Variants in NCALD observed in about 807,000 individuals in gnomAD.
The protein encoded by NCALD is neurocalcin-delta.
Under a neutral mutation model 18.6 loss-of-function variants are expected in NCALD, and 10 were observed. The observed-to-expected ratio is 0.54, with a 90% confidence interval of 0.33 to 0.91. NCALD has a LOEUF of 0.91. NCALD is among the 40% of genes least tolerant of loss of function. The pLI, the probability that NCALD is intolerant of heterozygous loss-of-function variation, is 0.03. For synonymous variants in NCALD, 88 were observed against 87.4 expected, an observed-to-expected ratio of 1.01 and a Z score of -0.04; for missense variants, 184 against 247.6, an observed-to-expected ratio of 0.74 and a Z score of 1.72.
At chr8:101,857,648 A>C (rs1223823872) in intron 4 of NCALD, among the ~76,000 whole-genome samples, 2 of 152,198 alleles carry the variant, frequency 1.3e-5, no homozygotes, top group Non-Finnish European at 2.9e-5. Flanking sequence ...TTGTTGAAGC[A>C]GGGGGAGATG....
intron 4 of NCALD, among the ~76,000 whole-genome samples, chr8:101,833,835 T>C (rs986871584): frequency 6.6e-6 from 1 of 152,176 alleles, no homozygotes; most frequent in African/African-American, 2.4e-5. Flanking sequence ...GTTCCCCTTC[T>C]CTCAACTTAA....
At chr8:102,123,837 C>A (rs1826021576) in intron 1 of NCALD, 1 of 152,544 alleles carries the variant, frequency 6.6e-6, no homozygotes, top group South Asian at 1.9e-4. Context: ...GCCCCGGCCC[C>A]CGGGGCGGGA....
chr8:101,990,721 C>T, intron 2 of NCALD, among the ~76,000 whole-genome samples: 1 of 152,282 alleles, frequency 6.6e-6, no homozygotes, highest in South Asian at 2.1e-4. Context: ...ATTAAAGCTA[C>T]TTCTTTTGTA....
At chr8:102,115,824 T>G (rs1347382425) in intron 1 of NCALD, among the ~76,000 whole-genome samples, 2 of 152,112 alleles carry the variant, frequency 1.3e-5, no homozygotes, top group Admixed American at 6.6e-5. Context: ...AAGCCCCAGG[T>G]GAGAAGCCTG....
intron 2 of NCALD, among the ~76,000 whole-genome samples, chr8:101,947,014 G>A (rs1048876717): frequency 6.6e-6 from 1 of 152,134 alleles, no homozygotes; most frequent in Non-Finnish European, 1.5e-5. Context: ...GCAGAGAAGA[G>A]CAGAGCTTTC....
intron 1 of NCALD, among the ~76,000 whole-genome samples, chr8:102,120,188 C>T (rs748362037): frequency 3.1e-4 from 47 of 152,172 alleles, no homozygotes; most frequent in Non-Finnish European, 4.9e-4. Flanking sequence ...TGCTAACAGT[C>T]CTATAGTGAA....
At chr8:101,882,662 A>T (rs552936010) in intron 4 of NCALD, among the ~76,000 whole-genome samples, 2 of 152,340 alleles carry the variant, frequency 1.3e-5, no homozygotes, top group East Asian at 3.9e-4. Context: ...AAAACAGATA[A>T]TTATTATGCC....
intron 1 of NCALD, among the ~76,000 whole-genome samples, chr8:102,034,094 G>A (rs1446206039): frequency 2.0e-5 from 3 of 151,790 alleles, no homozygotes; most frequent in Admixed American, 2.0e-4. Context: ...GCAACTATGT[G>A]TATTTTCTTC....
chr8:101,835,466 C>T (rs1434701729), intron 4 of NCALD, among the ~76,000 whole-genome samples: 1 of 152,234 alleles, frequency 6.6e-6, no homozygotes, highest in East Asian at 1.9e-4. Context: ...AAACCCTCTA[C>T]AATGCACAGG....
At chr8:102,041,888 C>T (rs560213888) in intron 1 of NCALD, among the ~76,000 whole-genome samples, 1 of 152,114 alleles carries the variant, frequency 6.6e-6, no homozygotes, top group South Asian at 2.1e-4. Context: ...AATGTTTTCT[C>T]TCTTTAACCA....
At chr8:101,883,812 T>C (rs1816575503) in intron 4 of NCALD, among the ~76,000 whole-genome samples, 1 of 152,244 alleles carries the variant, frequency 6.6e-6, no homozygotes, top group Admixed American at 6.5e-5. Flanking sequence ...ATTGGCATAT[T>C]ATCTGCCTGT....
intron 1 of NCALD, among the ~76,000 whole-genome samples, chr8:101,739,658 C>G (rs1810100234): frequency 6.6e-6 from 1 of 152,112 alleles, no homozygotes; most frequent in South Asian, 2.1e-4. Flanking sequence ...CCTGGAACAT[C>G]ACACTCCAAG....
chr8:101,775,409 C>T (rs901415100), intron 1 of NCALD, among the ~76,000 whole-genome samples: 6 of 152,146 alleles, frequency 3.9e-5, no homozygotes, highest in East Asian at 1.9e-4. Context: ...AGGCTCTCAA[C>T]GTTTAGCTGG....
At chr8:101,889,453 T>C (rs1261642921) in intron 3 of NCALD, among the ~76,000 whole-genome samples, 1 of 152,218 alleles carries the variant, frequency 6.6e-6, no homozygotes, top group East Asian at 1.9e-4. Context: ...TTCCAATAAA[T>C]TGCATTGCCT....
At chr8:102,078,718 T>C (rs749737769) in intron 1 of NCALD, among the ~76,000 whole-genome samples, 2 of 152,248 alleles carry the variant, frequency 1.3e-5, no homozygotes, top group Non-Finnish European at 2.9e-5. Context: ...TTCAAGTCTA[T>C]TCAAATGCTC....
intron 1 of NCALD, among the ~76,000 whole-genome samples, chr8:102,094,074 T>G (rs2132385924): frequency 6.6e-6 from 1 of 152,352 alleles, no homozygotes; most frequent in Admixed American, 6.5e-5. Flanking sequence ...CCCTTCATGA[T>G]GAAAGGCATT....
Position 101,689,193 on chromosome 8 carries a change from G to T in NCALD, c.*116C>A. The T allele has an allele frequency of 1.1e-6, 1 of 945,674 alleles. No homozygotes were observed. The highest frequency in any genetic ancestry group is 1.7e-6 in the Non-Finnish European group (1 of 602,580). The allele number at this position is 945,674 out of a possible 1,614,324, so 58.6% of individuals were successfully genotyped here. The stretch of plus-strand genomic sequence containing the variant: ...GTCACGGAGGAAGGCGCATCAGACC[G>T]CACAGGGGACGGCATCACCATTGAT... On this transcript the variant is annotated 3_prime_UTR_variant, in exon 4 of 4. Transcript: ENST00000220931. This position sits in a 1 kb window ranked among gnomAD's most constrained non-coding sequence, Gnocchi z 4.4.
intron 4 of NCALD, among the ~76,000 whole-genome samples, chr8:101,859,423 C>T (rs1246131388): frequency 1.3e-5 from 2 of 152,126 alleles, no homozygotes; most frequent in East Asian, 3.9e-4. Flanking sequence ...AGTCAATTCT[C>T]CTAATAAACT....
At chr8:101,921,028 C>T (rs1052585531) in intron 2 of NCALD, among the ~76,000 whole-genome samples, 8 of 152,042 alleles carry the variant, frequency 5.3e-5, no homozygotes, top group East Asian at 1.9e-4. Context: ...AGTTAGCCTG[C>T]GAAAGGACTA....
Sources: gnomAD v4.1 joint callset for allele counts (sites outside exome capture counted in the v4.1 genomes callset) on GRCh38, gnomAD v4.1.1 for gene constraint, Gnocchi (gnomAD v3.1) non-coding constraint, MANE v1.5 for transcripts, NCBI Gene and HGNC (gene_info 2026-07-23, HGNC 2026-07-21) for gene names.